Variants in SQSTM1 observed in about 807,000 individuals in gnomAD.
SQSTM1 encodes the protein sequestosome 1, also known as sequestosome-1.
SQSTM1 carries 36 observed loss-of-function variants against 45.1 expected under a neutral mutation model. That is an observed-to-expected ratio of 0.80 (90% CI 0.61 to 1.05). SQSTM1 has a LOEUF of 1.05. Among genes scored for constraint, SQSTM1 ranks in the 50% least tolerant of loss-of-function variants. The pLI, the probability that SQSTM1 is intolerant of heterozygous loss-of-function variation, is 0.00. For synonymous variants in SQSTM1, 290 were observed against 244.3 expected (o/e 1.19, Z -1.74); for missense variants, 617 against 607.1 (o/e 1.02, Z -0.17).
At chr5:179,822,773 C>T (rs1757831228) in intron 1 of SQSTM1, 185 bp from the exon 2 acceptor site, 2 of 678,982 alleles carry the variant, frequency 2.9e-6, no homozygotes, top group South Asian at 3.0e-5. Context: ...GGAGCACTCA[C>T]CTTCCAGGAG....
chr5:179,806,496 C>G lies in SQSTM1; in HGVS notation c.-252C>G. The G allele has an allele frequency of 7.6e-7, 1 of 1,311,006 alleles. No individual in the cohort carries two copies. The highest frequency in any genetic ancestry group is 1.0e-6 in the Non-Finnish European group (1 of 1,004,236). The allele number at this position is 1,311,006 out of a possible 1,614,324, so 81.2% of individuals were successfully genotyped here. On this transcript the variant is annotated 5_prime_UTR_variant, in exon 1 of 6. Transcript: ENST00000514093. The surrounding 1 kb of genome is among the most constrained non-coding windows in gnomAD (Gnocchi z 4.6). Reference sequence around the variant, plus strand: ...CGGGGGTCGCGCTCACCTTTCTGGCCGCTGAGTGCCGCGTACCAGGACAGC... The same window carrying G: ...CGGGGGTCGCGCTCACCTTTCTGGCGGCTGAGTGCCGCGTACCAGGACAGC...
Position 179,837,479 on chromosome 5 carries a change from C to T in SQSTM1, c.*886C>T. 1 of 1,614,006 alleles carries T rather than the reference C, an allele frequency of 6.2e-7. No homozygotes were observed. The highest frequency in any genetic ancestry group is 8.5e-7 in the Non-Finnish European group (1 of 1,179,898). ...ATTCTGTGCCTCCAGGACCAGGGGCCCACCCTCTGCCCAGGGAGTCCTTGC... is the reference window on the plus strand; with the variant it reads ...ATTCTGTGCCTCCAGGACCAGGGGCTCACCCTCTGCCCAGGGAGTCCTTGC... On this transcript the variant is annotated 3_prime_UTR_variant, in exon 8 of 8. Coordinates refer to ENST00000389805, the MANE Select transcript of SQSTM1 (RefSeq NM_003900.5).
chr5:179,820,688 C>CG (rs1757738664), upstream of SQSTM1: 1 of 431,608 alleles, frequency 2.3e-6, no homozygotes, highest in Admixed American at 4.5e-5. Flanking sequence ...CTTGGTGCAC[C>CG]GGGGCAATGA....
At chr5:179,817,342 C>T (rs951796090), upstream of SQSTM1, among the ~76,000 whole-genome samples, 2 of 152,160 alleles carry the variant, frequency 1.3e-5, no homozygotes, top group Non-Finnish European at 2.9e-5. Context: ...CTCCATCCCT[C>T]CCCCCTTTTC....
At chr5:179,822,765 A>T in intron 1 of SQSTM1, 193 bp from the exon 2 acceptor site, 1 of 667,780 alleles carries the variant, frequency 1.5e-6, no homozygotes, top group Non-Finnish European at 2.7e-6. Flanking sequence ...CCCAGGTCGG[A>T]GCACTCACCT....
rs941581691 is a variant in SQSTM1 at position 179,833,525 on chromosome 5, C to T, written c.970-62C>T. The T allele has an allele frequency of 3.5e-5, 55 of 1,575,076 alleles. 1 individual carries two copies. In the African/African-American group the frequency reaches 6.5e-4, roughly 18 times the overall value. On this transcript the variant is annotated intron_variant, in intron 6 of 7. Transcript: ENST00000389805. The stretch of plus-strand genomic sequence containing the variant: ...CCCGACTGTCTGCCAGGAGCCAGGG[C>T]CATGGTCAGGCTTGGCCTGTTGCGC...
chr5:179,817,286 G>A (rs1757612663), upstream of SQSTM1, among the ~76,000 whole-genome samples: 1 of 152,194 alleles, frequency 6.6e-6, no homozygotes, highest in Admixed American at 6.5e-5. Flanking sequence ...CCAGGGCTGT[G>A]GTTCCTGCTC....
chr5:179,834,552 A>T lies in SQSTM1; in HGVS notation c.1165+770A>T, dbSNP rs568770180. ...GGTCTCTGGTTTTCCTAGGCAGAGGACCCTGCGGCCTTCCGCAGCGTTTGT... is the reference window on the plus strand; with the variant it reads ...GGTCTCTGGTTTTCCTAGGCAGAGGTCCCTGCGGCCTTCCGCAGCGTTTGT... On this transcript the variant is annotated intron_variant, in intron 7 of 7. Coordinates refer to ENST00000389805, the MANE Select transcript of SQSTM1 (RefSeq NM_003900.5). Among the ~76,000 whole-genome samples, 143 of 150,880 alleles carry T rather than the reference A, an allele frequency of 9.5e-4. 1 individual carries two copies. The highest frequency in any genetic ancestry group is 2.9e-3 in the African/African-American group (121 of 41,222).
chr5:179,823,773 C>A (rs1250089966), intron 2 of SQSTM1, 85 bp from the exon 3 acceptor site: 3 of 1,463,772 alleles, frequency 2.0e-6, no homozygotes, highest in African/African-American at 2.8e-5. Flanking sequence ...GGGGGCCTTG[C>A]TGGCAGTGAC....
At chr5:179,830,991 T>C (rs1003775978) in intron 5 of SQSTM1, among the ~76,000 whole-genome samples, 3 of 152,374 alleles carry the variant, frequency 2.0e-5, no homozygotes, top group Non-Finnish European at 4.4e-5. Context: ...CATGAGTCAC[T>C]GTGCCTGGTC....
At chr5:179,825,301 A>G (rs1176525321) in intron 5 of SQSTM1, 75 bp downstream of exon 5, 5 of 1,266,192 alleles carry the variant, frequency 3.9e-6, no homozygotes, top group Non-Finnish European at 5.8e-6. Flanking sequence ...GAATACTGCA[A>G]AGGAATGGGT....
Position 179,833,053 on chromosome 5 carries a change from T to C in SQSTM1, c.776T>C (p.Val259Ala). 2 of 1,614,130 alleles carry C rather than the reference T, an allele frequency of 1.2e-6. No homozygotes were observed. Among genetic ancestry groups the C allele is most frequent in the African/African-American group, 2.7e-5 (2 of 75,000 alleles). ...SPLGIEVDIDVEHGGKRSRLT... is the reference protein window; with the variant it reads ...SPLGIEVDIDAEHGGKRSRLT... ...CTAGGCATTGAAGTTGATATCGATG[T>C]GGAGCACGGAGGGAAAAGAAGCCGC... Residue 259 changes from valine (V) to alanine (A), a missense_variant, in exon 6 of 8, where the codon GTG becomes GCG. Coordinates refer to ENST00000389805, the MANE Select transcript of SQSTM1 (RefSeq NM_003900.5).
chr5:179,821,699 C>G (rs1352428741), intron 1 of SQSTM1: 1 of 363,086 alleles, frequency 2.8e-6, no homozygotes, highest in Admixed American at 3.2e-5. Context: ...GCGGAACGCT[C>G]CGAGCCAGGT....
rs1219775878 is a variant in SQSTM1, at chr5:179,833,119, A to G, written c.842A>G (p.Lys281Arg). 6.2e-7 allele frequency: 1 copy of G among 1,614,230 alleles called. No homozygotes were observed. Among genetic ancestry groups the G allele is most frequent in the East Asian group, 2.2e-5 (1 of 44,884 alleles). Residue 281 changes from lysine to arginine, a missense_variant, in exon 6 of 8, where the codon AAG (lysine) becomes AGG (arginine). By Grantham distance (26) the Lys-to-Arg change is conservative. Coordinates refer to ENST00000389805, the MANE Select transcript of SQSTM1 (RefSeq NM_003900.5). ...CCAGAGAGTTCCAGCACAGAGGAGA[A>G]GAGCAGCTCACAGCCAAGCAGCTGC... is the stretch of plus-strand genomic sequence containing the variant. ...VSPESSSTEEKSSSQPSSCCS... is the reference protein window; with the variant it reads ...VSPESSSTEERSSSQPSSCCS...
At chr5:179,825,731 C>T (rs528692011) in intron 5 of SQSTM1, among the ~76,000 whole-genome samples, 1 of 152,174 alleles carries the variant, frequency 6.6e-6, no homozygotes, top group African/African-American at 2.4e-5. Context: ...CTGGGTGACA[C>T]CCGGTTCTGG....
chr5:179,823,037 C>T lies in SQSTM1; in HGVS notation c.285C>T (p.Phe95=), dbSNP rs1340721153. 5 of 1,614,078 alleles carry T rather than the reference C, an allele frequency of 3.1e-6. No homozygotes were observed. The South Asian group carries it at 5.5e-5, about 18-fold the overall frequency. The change falls in exon 2 of 8, where the codon TTC becomes TTT. Residue 95 remains phenylalanine (F), a synonymous_variant. Transcript: ENST00000389805. The stretch of plus-strand genomic sequence containing the variant: ...TGTCCTACGTGAAGGATGACATCTT[C>T]CGAATCTACATTAAAGGTAAGGGGC... ...MAMSYVKDDI[F]RIYIKEKKEC... is the part of the protein sequence containing the mutation.
intron 7 of SQSTM1, 151 bp downstream of exon 7, chr5:179,833,933 C>A: frequency 2.4e-6 from 2 of 831,464 alleles, no homozygotes; most frequent in Non-Finnish European, 4.0e-6. Flanking sequence ...TGGTTTTGTC[C>A]TATTATGTGT....
chr5:179,815,592 G>T (rs996374261), upstream of SQSTM1, among the ~76,000 whole-genome samples: 2 of 152,082 alleles, frequency 1.3e-5, no homozygotes, highest in Non-Finnish European at 2.9e-5. Flanking sequence ...GATCTGCTCA[G>T]GATTCCCCCC....
chr5:179,837,879 C>T lies in SQSTM1; in HGVS notation c.*1286C>T. On this transcript the variant is annotated 3_prime_UTR_variant, in exon 8 of 8. Coordinates refer to ENST00000389805, the MANE Select transcript of SQSTM1 (RefSeq NM_003900.5). ...TGTTTCACCTTCCATGTCAGGCCAGCCTGTCCCTGAAAGAGAAGATGGCCA... is the reference window on the plus strand; with the variant it reads ...TGTTTCACCTTCCATGTCAGGCCAGTCTGTCCCTGAAAGAGAAGATGGCCA... The T allele has an allele frequency of 6.2e-7, 1 of 1,604,024 alleles. No homozygotes were observed. The highest frequency in any genetic ancestry group is 8.5e-7 in the Non-Finnish European group (1 of 1,178,824).
Sources: gnomAD v4.1 joint callset for allele counts (sites outside exome capture counted in the v4.1 genomes callset) on GRCh38, gnomAD v4.1.1 for gene constraint, Gnocchi (gnomAD v3.1) non-coding constraint, MANE v1.5 for transcripts, NCBI Gene and HGNC (gene_info 2026-07-23, HGNC 2026-07-21) for gene names.